ADGRV1: variants seen among roughly 807,000 people sequenced by gnomAD.
ADGRV1 encodes the protein G-protein coupled receptor 98.
A neutral mutation model predicts 596.2 loss-of-function variants in ADGRV1; 359 were observed. The ratio of observed to expected loss-of-function variants is 0.60; its 90% CI spans 0.55 to 0.66. The LOEUF is 0.66. Ranked by LOEUF, ADGRV1 falls within the 30% of genes least tolerant of loss-of-function variation. The pLI is 0.00. For missense variants in ADGRV1, 7,274 were observed against 7,575.6 expected (o/e 0.96, Z 1.48); for synonymous variants, 2,681 against 2,679.2 (o/e 1.00, Z -0.02).
At chr5:90,873,019 G>A (rs183050427) in intron 83 of ADGRV1, among the ~76,000 whole-genome samples, 110 of 152,292 alleles carry the variant, frequency 7.2e-4, no homozygotes, top group African/African-American at 2.4e-3. Flanking sequence ...TAAACCCCAG[G>A]AAGTTGTGTC....
At chr5:90,891,385 A>G (rs1218610570) in intron 83 of ADGRV1, among the ~76,000 whole-genome samples, 1 of 151,388 alleles carries the variant, frequency 6.6e-6, no homozygotes, top group Non-Finnish European at 1.5e-5. Context: ...CTTCCTATAG[A>G]TGACTGATAA....
At chr5:90,780,222 G>T (rs1055735119) in intron 64 of ADGRV1, 1 of 152,006 alleles carries the variant, frequency 6.6e-6, no homozygotes, top group Non-Finnish European at 1.5e-5. Context: ...GTTTAATTCT[G>T]GGGAAACAAG....
chr5:90,786,943 A>G (rs1759516630), intron 67 of ADGRV1, among the ~76,000 whole-genome samples: 1 of 152,112 alleles, frequency 6.6e-6, no homozygotes, highest in African/African-American at 2.4e-5. Flanking sequence ...ATGTTGACAC[A>G]TGGGGAGGTG....
chr5:90,682,472 G>A (rs556789130), intron 27 of ADGRV1, among the ~76,000 whole-genome samples: 2 of 152,332 alleles, frequency 1.3e-5, no homozygotes, highest in South Asian at 4.1e-4. Flanking sequence ...TCTATATGAT[G>A]TGTGTGTTTG....
chr5:90,840,099 A>G (rs1233760872), intron 77 of ADGRV1, among the ~76,000 whole-genome samples: 2 of 152,214 alleles, frequency 1.3e-5, no homozygotes, highest in Non-Finnish European at 2.9e-5. Context: ...ACTCCTTAGG[A>G]TATTTCCATA....
intron 79 of ADGRV1, among the ~76,000 whole-genome samples, chr5:90,851,134 T>TGTGTGA (rs757909771): frequency 4.5e-4 from 37 of 81,506 alleles, no homozygotes; most frequent in African/African-American, 9.5e-4. Flanking sequence ...TGTGTGTGTG[T>TGTGTGA]GAGAGAGAGA....
rs748955331 is a variant in ADGRV1 at position 90,745,270 on chromosome 5, G to T, written c.10769+5G>T. 3.9e-6 allele frequency: 6 copies of T among 1,550,624 alleles called. No homozygotes were observed. In the South Asian group the frequency reaches 6.1e-5, roughly 16 times the overall value. On this transcript the variant is annotated splice_donor_5th_base_variant and intron_variant, in intron 51 of 89. Coordinates refer to ENST00000405460, the MANE Select transcript of ADGRV1 (RefSeq NM_032119.4). ...CCATTCTGACTTTATTCCTAGGTAGGTTCAACATTTTTTGCTAAGTATCTT... is the reference window on the plus strand; with the variant it reads ...CCATTCTGACTTTATTCCTAGGTAGTTTCAACATTTTTTGCTAAGTATCTT...
chr5:90,607,837 T>C (rs1009782714), intron 1 of ADGRV1, among the ~76,000 whole-genome samples: 4 of 152,160 alleles, frequency 2.6e-5, no homozygotes, highest in African/African-American at 4.8e-5. Context: ...CAGTTTAGTC[T>C]CATAATTTTA....
chr5:90,637,731 A>T lies in ADGRV1; in HGVS notation c.2023A>T (p.Ile675Phe). 6.2e-7 allele frequency: 1 copy of T among 1,605,308 alleles called. No individual in the cohort carries two copies. Among genetic ancestry groups the T allele is most frequent in the Non-Finnish European group, 8.5e-7 (1 of 1,175,140 alleles). ...GTTCTTTTCTTTTTATAAGGTATACATTCCCTTACATCGGGATGGAACTGA... is the reference window on the plus strand; with the variant it reads ...GTTCTTTTCTTTTTATAAGGTATACTTTCCCTTACATCGGGATGGAACTGA... ...PEDFAAEVVY[I>F]PLHRDGTDGQ... Residue 675 changes from isoleucine (I) to phenylalanine (F), a missense_variant, in exon 11 of 90, where the codon ATT (isoleucine) becomes TTT (phenylalanine). By Grantham distance (21) the Ile-to-Phe change is conservative (BLOSUM62 0). Transcript: ENST00000405460.
chr5:90,791,596 C>A (rs1481411312), intron 70 of ADGRV1: 29 of 459,946 alleles, frequency 6.3e-5, no homozygotes. Flanking sequence ...TTACAAAGTT[C>A]TAGGAAATGT....
intron 79 of ADGRV1, among the ~76,000 whole-genome samples, chr5:90,851,143 G>GAGAGAA (rs1766474302): frequency 2.1e-5 from 2 of 94,896 alleles, no homozygotes; most frequent in Non-Finnish European, 4.8e-5. Context: ...GTGAGAGAGA[G>GAGAGAA]AGAGAGAGAG....
At position 90,729,630 on chromosome 5, in the gene ADGRV1, T is replaced by C; in HGVS notation, c.10427-12T>C. 1 of 1,588,724 alleles carries C rather than the reference T, an allele frequency of 6.3e-7. No individual in the cohort carries two copies. The highest frequency in any genetic ancestry group is 8.6e-7 in the Non-Finnish European group (1 of 1,161,380). On this transcript the variant is annotated splice_polypyrimidine_tract_variant and intron_variant, in intron 49 of 89. Transcript: ENST00000405460. ...TTTGCATTAAGATTTGACTTCTATTTCATTATTGCAGGAGATCAGAATTCA... is the reference window on the plus strand; with the variant it reads ...TTTGCATTAAGATTTGACTTCTATTCCATTATTGCAGGAGATCAGAATTCA...
chr5:90,787,490 AG>A (rs769656698), intron 67 of ADGRV1, among the ~76,000 whole-genome samples: 7 of 151,884 alleles, frequency 4.6e-5, no homozygotes, highest in Non-Finnish European at 1.0e-4. Context: ...ATTTTAATAT[AG>A]ATTTTTATAT....
intron 61 of ADGRV1, 148 bp downstream of exon 61, chr5:90,776,724 A>G (rs1758283028): frequency 1.2e-6 from 1 of 845,528 alleles, no homozygotes; most frequent in African/African-American, 1.7e-5. Flanking sequence ...AGAGGAGAAC[A>G]AATTTGGGGC....
chr5:90,686,768 T>A (rs1329614829), intron 29 of ADGRV1, among the ~76,000 whole-genome samples: 1 of 152,200 alleles, frequency 6.6e-6, no homozygotes, highest in African/African-American at 2.4e-5. Context: ...TTTCTAGTTC[T>A]AGATCCCTGA....
chr5:91,073,094 C>G (rs1282875436), intron 86 of ADGRV1, among the ~76,000 whole-genome samples: 1 of 152,166 alleles, frequency 6.6e-6, no homozygotes, highest in Admixed American at 6.5e-5. Context: ...GAGTGCAAGC[C>G]TTTCTAGTTC....
At chr5:90,809,577 G>C (rs992604179) in intron 73 of ADGRV1, among the ~76,000 whole-genome samples, 1 of 151,948 alleles carries the variant, frequency 6.6e-6, no homozygotes, top group Non-Finnish European at 1.5e-5. Context: ...CCTCCCTAAA[G>C]GCATTTAAAT....
Position 90,627,358 on chromosome 5 carries a change from G to A in ADGRV1, c.820G>A (p.Glu274Lys). 2 of 1,613,924 alleles carry A rather than the reference G, an allele frequency of 1.2e-6. 1 individual carries two copies. The highest frequency in any genetic ancestry group is 2.2e-5 in the South Asian group (2 of 91,074). ...RFLQSIYLVP[E>K]EDHILIIPVV... is the part of the protein sequence containing the mutation. ...CCTTCAGAGTATTTATTTGGTTCCT[G>A]AGGAAGACCACATACTCATAATTCC... The change falls in exon 7 of 90, where the codon GAG becomes AAG. Residue 274 changes from glutamate (E) to lysine (K), a missense_variant. By Grantham distance (56) the Glu-to-Lys change is moderately conservative. This residue lies in a region of ADGRV1 where 1,715 missense variants were observed against 1,708.8 expected (regional missense o/e 1.00). Transcript: ENST00000405460.
At chr5:91,059,120 T>A (rs1787172383) in intron 85 of ADGRV1, among the ~76,000 whole-genome samples, 1 of 152,202 alleles carries the variant, frequency 6.6e-6, no homozygotes, top group East Asian at 1.9e-4. Flanking sequence ...ACGACAGTGA[T>A]CATGGTTATC....
Sources: gnomAD v4.1 joint callset for allele counts (sites outside exome capture counted in the v4.1 genomes callset) on GRCh38, gnomAD v4.1.1 for gene constraint, gnomAD v4.1.1 regional missense constraint, MANE v1.5 for transcripts, NCBI Gene and HGNC (gene_info 2026-07-23, HGNC 2026-07-21) for gene names.